SUPT3H: variants seen among roughly 807,000 people sequenced by gnomAD.
The protein encoded by SUPT3H is transcription initiation protein SPT3 homolog.
In SUPT3H, 44 loss-of-function variants were observed where a neutral mutation model predicts 44.3. The ratio of observed to expected loss-of-function variants is 0.99; its 90% confidence interval spans 0.78 to 1.28. The LOEUF is 1.28. Ranked by LOEUF, SUPT3H falls within the 50% of genes most tolerant of loss-of-function variation. The pLI is 0.00. For missense variants in SUPT3H, 380 were observed against 387.1 expected (o/e 0.98, Z 0.15); for synonymous variants, 124 against 125.6 (o/e 0.99, Z 0.09).
intron 2 of SUPT3H, among the ~76,000 whole-genome samples, chr6:45,196,622 C>G (rs1584192196): frequency 6.6e-6 from 1 of 152,118 alleles, no homozygotes; most frequent in Admixed American, 6.6e-5. Context: ...ATTACACAAA[C>G]ATCTTTCACC....
At chr6:45,352,488 A>G (rs1202890157) in intron 2 of SUPT3H, among the ~76,000 whole-genome samples, 1 of 150,934 alleles carries the variant, frequency 6.6e-6, no homozygotes, top group Non-Finnish European at 1.5e-5. Context: ...CTGGTATGAC[A>G]GCAACAAAAT....
chr6:45,156,846 CAT>C (rs1356389072), intron 2 of SUPT3H, among the ~76,000 whole-genome samples: 1 of 151,624 alleles, frequency 6.6e-6, no homozygotes, highest in Non-Finnish European at 1.5e-5. Context: ...TTTGTTGACA[CAT>C]AGACATTTAA....
At chr6:45,358,093 G>C (rs896109486) in intron 2 of SUPT3H, among the ~76,000 whole-genome samples, 10 of 151,902 alleles carry the variant, frequency 6.6e-5, no homozygotes, top group Non-Finnish European at 1.5e-4. Context: ...AAAAAAGAGA[G>C]ACAGGAAAAA....
chr6:44,813,656 T>C, intron 11 of SUPT3H, among the ~76,000 whole-genome samples: 1 of 131,836 alleles, frequency 7.6e-6, no homozygotes, highest in Non-Finnish European at 1.6e-5. Context: ...GGAACTGGAA[T>C]TTTTTTTTTT....
chr6:45,175,627 T>C (rs1382743426), intron 2 of SUPT3H, among the ~76,000 whole-genome samples: 1 of 152,178 alleles, frequency 6.6e-6, no homozygotes, highest in Non-Finnish European at 1.5e-5. Flanking sequence ...CTCATGAGTT[T>C]ATTAAATAAA....
rs1767968312 is a variant in SUPT3H, at chr6:44,828,103, TGA to T, written c.*1711_*1712del. Among the ~76,000 whole-genome samples, 1 of 152,122 alleles carries T rather than the reference TGA, an allele frequency of 6.6e-6. No individual in the cohort carries two copies. The highest frequency in any genetic ancestry group is 2.1e-4 in the South Asian group (1 of 4,834). On this transcript the variant is annotated 3_prime_UTR_variant, in exon 11 of 11. Coordinates refer to ENST00000371459, the MANE Select transcript of SUPT3H (RefSeq NM_003599.4). Reference sequence around the variant, plus strand: ...ATGTGGGAGAGAAGGAATTTTGATGTGAAAAATTATCCCCTGAAAATTTTATA... The same window carrying T: ...ATGTGGGAGAGAAGGAATTTTGATGTAAAATTATCCCCTGAAAATTTTATA...
At chr6:45,006,201 T>C (rs1473088447) in intron 5 of SUPT3H, among the ~76,000 whole-genome samples, 1 of 152,150 alleles carries the variant, frequency 6.6e-6, no homozygotes, top group Non-Finnish European at 1.5e-5. Context: ...TTCATCGCAT[T>C]ATTTATAACC....
intron 2 of SUPT3H, among the ~76,000 whole-genome samples, chr6:45,124,104 C>A (rs999776992): frequency 2.6e-5 from 4 of 151,972 alleles, no homozygotes; most frequent in African/African-American, 9.7e-5. Context: ...ACCATAATTG[C>A]CACTGTTCAG....
At chr6:45,176,186 G>T (rs1003078448) in intron 2 of SUPT3H, among the ~76,000 whole-genome samples, 287 of 151,984 alleles carry the variant, frequency 1.9e-3, no homozygotes, top group African/African-American at 6.8e-3. Flanking sequence ...ACTAGGGAGT[G>T]CCAGACAGTG....
At chr6:44,840,038 G>T (rs565083722) in intron 10 of SUPT3H, among the ~76,000 whole-genome samples, 2 of 152,208 alleles carry the variant, frequency 1.3e-5, no homozygotes, top group Admixed American at 6.5e-5. Context: ...GAAGTCAGTT[G>T]AAATTCTTGT....
intron 2 of SUPT3H, among the ~76,000 whole-genome samples, chr6:45,197,990 C>G (rs189616548): frequency 6.6e-6 from 1 of 151,254 alleles, no homozygotes; most frequent in East Asian, 1.9e-4. Context: ...TGTTTAATAA[C>G]CCAAACTTGA....
At chr6:45,161,600 G>A (rs950106903) in intron 2 of SUPT3H, among the ~76,000 whole-genome samples, 1 of 152,096 alleles carries the variant, frequency 6.6e-6, no homozygotes, top group Non-Finnish European at 1.5e-5. Flanking sequence ...TGTACATGAA[G>A]TCAGAGCTCC....
chr6:45,153,268 G>A lies in SUPT3H; in HGVS notation c.102-47262C>T, dbSNP rs538014482. Among the ~76,000 whole-genome samples the A allele has an allele frequency of 5.9e-5, 9 of 152,292 alleles. 1 individual carries two copies. The South Asian group carries it at 1.9e-3, about 32-fold the overall frequency. ...TTAGAATGTAAGCTTTATGAAGACAGAACCTTCATCTTCTTCACTAGTGTA... is the reference window on the plus strand; with the variant it reads ...TTAGAATGTAAGCTTTATGAAGACAAAACCTTCATCTTCTTCACTAGTGTA... On this transcript the variant is annotated intron_variant, in intron 2 of 10. Coordinates refer to ENST00000371459, the MANE Select transcript of SUPT3H (RefSeq NM_003599.4).
At chr6:45,285,270 G>A (rs941350176) in intron 2 of SUPT3H, among the ~76,000 whole-genome samples, 2 of 151,882 alleles carry the variant, frequency 1.3e-5, no homozygotes, top group Non-Finnish European at 1.5e-5. Flanking sequence ...AGGAAATAAA[G>A]GGTATTCAAT....
intron 3 of SUPT3H, among the ~76,000 whole-genome samples, chr6:45,064,631 GA>G (rs1242580181): frequency 7.3e-5 from 10 of 136,688 alleles, no homozygotes; most frequent in African/African-American, 2.8e-4. Context: ...CAAGCAAATG[GA>G]AAACAAAAAA....
At chr6:45,215,190 A>G (rs147688616) in intron 2 of SUPT3H, among the ~76,000 whole-genome samples, 101 of 152,302 alleles carry the variant, frequency 6.6e-4, no homozygotes, top group African/African-American at 2.2e-3. Context: ...TAGCAGGAAA[A>G]ATGTTATCCC....
intron 2 of SUPT3H, among the ~76,000 whole-genome samples, chr6:45,272,531 G>GATAT (rs1776356412): frequency 6.6e-6 from 1 of 152,140 alleles, no homozygotes; most frequent in Non-Finnish European, 1.5e-5. Context: ...TCCAGTCTCG[G>GATAT]ATATATCTTT....
At chr6:45,183,287 G>A (rs1417727347) in intron 2 of SUPT3H, among the ~76,000 whole-genome samples, 1 of 152,196 alleles carries the variant, frequency 6.6e-6, no homozygotes, top group Non-Finnish European at 1.5e-5. Flanking sequence ...GACAAAGTAA[G>A]TTAGTGGTTA....
intron 2 of SUPT3H, among the ~76,000 whole-genome samples, chr6:45,190,978 A>G (rs891504155): frequency 8.5e-5 from 13 of 152,214 alleles, no homozygotes; most frequent in Admixed American, 7.2e-4. Flanking sequence ...ATGTAAAATG[A>G]TTTGCCACTT....
Sources: gnomAD v4.1 joint callset for allele counts (sites outside exome capture counted in the v4.1 genomes callset) on GRCh38, gnomAD v4.1.1 for gene constraint, MANE v1.5 for transcripts, NCBI Gene and HGNC (gene_info 2026-07-23, HGNC 2026-07-21) for gene names.